The following CACNG3 variants were observed in gnomAD, a reference collection of about 807,000 sequenced individuals.
The protein encoded by CACNG3 is voltage-dependent calcium channel gamma-3 subunit.
CACNG3 carries 3 observed loss-of-function variants against 28.5 expected under a neutral mutation model. That is an observed-to-expected ratio of 0.11 (90% CI 0.05 to 0.27). The LOEUF (loss-of-function observed/expected upper bound fraction) is 0.27, where lower values mean the gene tolerates loss of function less well. Among genes scored for constraint, CACNG3 ranks in the 10% least tolerant of loss-of-function variants. The pLI, the probability that CACNG3 is intolerant of heterozygous loss-of-function variation, is 1.00. For missense variants in CACNG3, 236 were observed against 414.4 expected, an observed-to-expected ratio of 0.57 and a Z score of 3.74; for synonymous variants, 174 against 162.2, an observed-to-expected ratio of 1.07 and a Z score of -0.55.
chr16:24,323,790 G>C (rs1288753042), intron 1 of CACNG3, among the ~76,000 whole-genome samples: 1 of 152,108 alleles, frequency 6.6e-6, no homozygotes, highest in African/African-American at 2.4e-5. Context: ...TTCTTTTTGA[G>C]GCAGAGTGTC....
intron 1 of CACNG3, among the ~76,000 whole-genome samples, chr16:24,317,638 G>GACAGA (rs1899386611): frequency 3.8e-5 from 2 of 52,014 alleles, no homozygotes; most frequent in East Asian, 5.7e-4. Flanking sequence ...CAGACAGAAA[G>GACAGA]AAAGAAAAGA....
At chr16:24,258,431 G>A (rs2141342282) in intron 1 of CACNG3, among the ~76,000 whole-genome samples, 1 of 152,290 alleles carries the variant, frequency 6.6e-6, no homozygotes, top group South Asian at 2.1e-4. Context: ...TGTGGCCTTG[G>A]TTAAGACATT....
At chr16:24,317,407 T>C (rs1245728555) in intron 1 of CACNG3, among the ~76,000 whole-genome samples, 1 of 151,368 alleles carries the variant, frequency 6.6e-6, no homozygotes, top group Non-Finnish European at 1.5e-5. Context: ...CCAGGTGTGG[T>C]GGTGCATAAC....
chr16:24,275,381 T>A (rs547614706), intron 1 of CACNG3, among the ~76,000 whole-genome samples: 1 of 152,282 alleles, frequency 6.6e-6, no homozygotes, highest in South Asian at 2.1e-4. Flanking sequence ...ATGTCCCTGA[T>A]GAAGCCATAA....
chr16:24,353,458 G>A (rs1016644358), intron 2 of CACNG3, among the ~76,000 whole-genome samples: 1 of 152,182 alleles, frequency 6.6e-6, no homozygotes, highest in South Asian at 2.1e-4. Flanking sequence ...TCTTATACTG[G>A]ATGGGTAAAT....
intron 1 of CACNG3, among the ~76,000 whole-genome samples, chr16:24,264,614 C>G (rs1305238836): frequency 1.3e-5 from 2 of 152,230 alleles, no homozygotes; most frequent in African/African-American, 4.8e-5. Flanking sequence ...CCTCGCCCAG[C>G]TAAGTGAAGT....
chr16:24,256,450 C>T lies in CACNG3; in HGVS notation c.-305C>T, dbSNP rs1004054984. The T allele has an allele frequency of 5.4e-6, 2 of 370,568 alleles. No individual in the cohort carries two copies. Among genetic ancestry groups the T allele is most frequent in the African/African-American group, 2.1e-5 (1 of 48,594 alleles). 23.0% of individuals were successfully genotyped at this position (370,568 alleles called of 1,614,324 possible). A position where few individuals can be genotyped will look rare whatever the true frequency, so the allele number is the denominator to read the frequency against. ...CCAGGCTCCGGAGCCATGCCCTGCACGGACCCTCGTCTTTACCACGCTCCT... is the reference window on the plus strand; with the variant it reads ...CCAGGCTCCGGAGCCATGCCCTGCATGGACCCTCGTCTTTACCACGCTCCT... On this transcript the variant is annotated 5_prime_UTR_variant, in exon 1 of 4. It adds an upstream start codon to the 5' untranslated region. Transcript: ENST00000005284. The surrounding 1 kb of genome is among the most constrained non-coding windows in gnomAD (Gnocchi z 4.6).
chr16:24,361,835 C>A lies in CACNG3; in HGVS notation c.920C>A (p.Pro307Gln), dbSNP rs762148926. The A allele has an allele frequency of 4.3e-6, 7 of 1,611,344 alleles. No homozygotes were observed. The South Asian group carries it at 7.7e-5, about 18-fold the overall frequency. The change falls in exon 4 of 4, where the codon CCG becomes CAG. Residue 307 changes from proline to glutamine, a missense_variant. Around this residue, in one of 2 missense-constraint regions of CACNG3, gnomAD observed 116 missense variants for 151.0 expected, o/e 0.77. Transcript: ENST00000005284. The surrounding 1 kb of genome is among the most constrained non-coding windows in gnomAD (Gnocchi z 6.8). ...TTCAAAGAGTCACTGCATAATAATC[C>A]GGCCAACAGGCGCACCACGCCCGTC... is the stretch of plus-strand genomic sequence containing the variant. ...KEFKESLHNN[P>Q]ANRRTTPV is the part of the protein sequence containing the mutation.
chr16:24,355,075 G>A, intron 3 of CACNG3, 102 bp downstream of exon 3: 2 of 1,151,206 alleles, frequency 1.7e-6, no homozygotes, highest in Non-Finnish European at 2.5e-6. Context: ...CAGGGAAGGA[G>A]CAAGAAAATG....
intron 1 of CACNG3, among the ~76,000 whole-genome samples, chr16:24,258,515 T>C (rs999210535): frequency 4.6e-5 from 7 of 152,198 alleles, no homozygotes; most frequent in Non-Finnish European, 8.8e-5. Context: ...ATTAACATTA[T>C]CTAAAGCTTA....
At chr16:24,276,928 C>T (rs968304375) in intron 1 of CACNG3, among the ~76,000 whole-genome samples, 5 of 152,130 alleles carry the variant, frequency 3.3e-5, no homozygotes. Flanking sequence ...TATAAATTTT[C>T]CACCTTCTAA....
intron 1 of CACNG3, among the ~76,000 whole-genome samples, chr16:24,260,802 G>A (rs77671587): frequency 0.016 from 2,499 of 152,304 alleles, 42 homozygotes; most frequent in Non-Finnish European, 0.026. Context: ...CCCACACTGG[G>A]AAGCCAACAA....
intron 1 of CACNG3, among the ~76,000 whole-genome samples, chr16:24,323,779 C>T (rs941894474): frequency 6.6e-6 from 1 of 152,108 alleles, no homozygotes; most frequent in Non-Finnish European, 1.5e-5. Flanking sequence ...ACCAGATGTC[C>T]TTCTTTTTGA....
chr16:24,343,951 T>C (rs1387199503), intron 1 of CACNG3, among the ~76,000 whole-genome samples: 1 of 151,904 alleles, frequency 6.6e-6, no homozygotes, highest in African/African-American at 2.4e-5. Flanking sequence ...TAGCCAGGCA[T>C]GGTGGCAGGC....
chr16:24,286,982 A>G (rs2141353788), intron 1 of CACNG3, among the ~76,000 whole-genome samples: 1 of 152,304 alleles, frequency 6.6e-6, no homozygotes, highest in East Asian at 1.9e-4. Context: ...TCCAGGAAGT[A>G]CCTTCCCTAT....
intron 2 of CACNG3, among the ~76,000 whole-genome samples, chr16:24,350,945 G>A (rs1482750271): frequency 1.3e-5 from 2 of 152,096 alleles, no homozygotes; most frequent in Non-Finnish European, 2.9e-5. Flanking sequence ...CCACAGATGG[G>A]CCCATTAAAA....
At chr16:24,335,918 T>C (rs1899697106) in intron 1 of CACNG3, among the ~76,000 whole-genome samples, 1 of 114,084 alleles carries the variant, frequency 8.8e-6, no homozygotes, top group South Asian at 3.7e-4. Flanking sequence ...CTACTAAAAA[T>C]ACCAAAAAAT....
chr16:24,292,239 G>C (rs983747783), intron 1 of CACNG3, among the ~76,000 whole-genome samples: 1 of 152,112 alleles, frequency 6.6e-6, no homozygotes, highest in African/African-American at 2.4e-5. Flanking sequence ...TTCCTCAAGG[G>C]GAGTCCTGAA....
chr16:24,354,043 A>G (rs1453597591), intron 2 of CACNG3, among the ~76,000 whole-genome samples: 3 of 152,028 alleles, frequency 2.0e-5, no homozygotes, highest in African/African-American at 7.2e-5. Flanking sequence ...AAATACAAAA[A>G]TCAGCCAGGC....
Sources: gnomAD v4.1 joint callset for allele counts (sites outside exome capture counted in the v4.1 genomes callset) on GRCh38, gnomAD v4.1.1 for gene constraint, gnomAD v4.1.1 regional missense constraint, Gnocchi (gnomAD v3.1) non-coding constraint, MANE v1.5 for transcripts, NCBI Gene and HGNC (gene_info 2026-07-23, HGNC 2026-07-21) for gene names.